LZIC: variants seen among roughly 807,000 people sequenced by gnomAD.
LZIC encodes the protein protein LZIC.
In LZIC, 28 loss-of-function variants were observed where a neutral mutation model predicts 25.4. The ratio of observed to expected loss-of-function variants is 1.10; its 90% CI spans 0.82 to 1.51. LZIC has a LOEUF of 1.51. Ranked by LOEUF, LZIC falls within the 40% of genes most tolerant of loss-of-function variation. The pLI, the probability that LZIC is intolerant of heterozygous loss-of-function variation, is 0.00. For missense variants in LZIC, 170 were observed against 211.1 expected (o/e 0.81, Z 1.21); for synonymous variants, 65 against 70.7 (o/e 0.92, Z 0.40).
chr1:9,922,596 C>T (rs1378438372), downstream of LZIC, among the ~76,000 whole-genome samples: 5 of 152,250 alleles, frequency 3.3e-5, no homozygotes, highest in Admixed American at 3.3e-4. Context: ...CAGTGCTCAG[C>T]ATGGGAGCAT....
chr1:9,940,496 T>C (rs1640665410), intron 2 of LZIC, among the ~76,000 whole-genome samples: 1 of 152,010 alleles, frequency 6.6e-6, no homozygotes, highest in Non-Finnish European at 1.5e-5. Flanking sequence ...TGTATATTTT[T>C]TTTAGTAGAG....
intron 3 of LZIC, 134 bp from the exon 4 acceptor site, chr1:9,935,761 T>C (rs1377950971): frequency 2.6e-6 from 2 of 769,466 alleles, no homozygotes; most frequent in East Asian, 5.6e-5. Context: ...CACATAGTAG[T>C]AGTGAGGGCA....
At chr1:9,923,864 C>T (rs1375430099), downstream of LZIC, among the ~76,000 whole-genome samples, 3 of 151,246 alleles carry the variant, frequency 2.0e-5, no homozygotes, top group Admixed American at 1.3e-4. Context: ...GCGATTCTCC[C>T]GCCTCAGCCT....
Position 9,931,924 on chromosome 1 carries a change from G to A in LZIC, c.481C>T (p.Leu161Phe). 7 of 1,613,870 alleles carry A rather than the reference G, an allele frequency of 4.3e-6. No individual in the cohort carries two copies. The highest frequency in any genetic ancestry group is 5.9e-6 in the Non-Finnish European group (7 of 1,179,876). Residue 161 changes from leucine to phenylalanine, a missense_variant, in exon 7 of 8, where the codon CTC (leucine) becomes TTC (phenylalanine). Physicochemically the swap from Leu to Phe is conservative, Grantham distance 22 (BLOSUM62 0). Transcript: ENST00000377223. The stretch of plus-strand genomic sequence containing the variant: ...GTAGAGACTTTCTCAAACTGGCTGA[G>A]TATAGCACCTGCATTTGCTGACAAG... ...AFLSANAGAI[L>F]SQFEKVSTDL...
rs187222294 is a variant in LZIC, at chr1:9,929,403, T to C, written c.*996A>G. On this transcript the variant is annotated 3_prime_UTR_variant, in exon 8 of 8. Coordinates refer to ENST00000377223, the MANE Select transcript of LZIC (RefSeq NM_032368.5). ...GCTAATATACACGCATAGGGACACA[T>C]CTGCATATTTGAGCATACAGAGACA... The C allele has an allele frequency of 5.1e-6, 5 of 985,236 alleles. No homozygotes were observed. Among genetic ancestry groups the C allele is most frequent in the Non-Finnish European group, 6.0e-6 (5 of 829,878 alleles). The allele number at this position is 985,236 out of a possible 1,614,324, so 61.0% of individuals were successfully genotyped here. A position where few individuals can be genotyped will look rare whatever the true frequency, so the allele number is the denominator to read the frequency against.
chr1:9,934,608 C>G (rs1346896943), intron 5 of LZIC, among the ~76,000 whole-genome samples, 154 bp downstream of exon 5: 1 of 152,138 alleles, frequency 6.6e-6, no homozygotes, highest in Non-Finnish European at 1.5e-5. Flanking sequence ...CATTCATTAT[C>G]AACTATAATT....
rs970058532 is a variant in LZIC, at chr1:9,930,182, C to G, written c.*217G>C. On this transcript the variant is annotated 3_prime_UTR_variant, in exon 8 of 8. Transcript: ENST00000377223. ...AACAGAGTCCAGTGAGTCCCTCTGT[C>G]GCAACAAGTTCAGGATCACTCAAGC... 7.5e-7 allele frequency: 1 copy of G among 1,336,632 alleles called. No individual in the cohort carries two copies. The highest frequency in any genetic ancestry group is 1.5e-5 in the African/African-American group (1 of 68,566). The allele number at this position is 1,336,632 out of a possible 1,614,324, so 82.8% of individuals were successfully genotyped here. A position where few individuals can be genotyped will look rare whatever the true frequency, so the allele number is the denominator to read the frequency against.
intron 5 of LZIC, among the ~76,000 whole-genome samples, chr1:9,933,254 CAAAAAAAAAAAAA>C (rs60791463): frequency 2.3e-5 from 1 of 43,374 alleles, no homozygotes; most frequent in Non-Finnish European, 4.0e-5. Flanking sequence ...GACTCCACCA[CAAAAAAAAAAAAA>C]AAAAAAAAAA....
intron 2 of LZIC, among the ~76,000 whole-genome samples, chr1:9,940,604 C>G (rs993592405): frequency 2.6e-5 from 4 of 152,178 alleles, no homozygotes; most frequent in Non-Finnish European, 5.9e-5. Flanking sequence ...AGGCGTGAGC[C>G]ACCGCACACA....
In LZIC at chr1:9,932,876, C is replaced by T; in HGVS notation, c.359G>A (p.Gly120Glu). ...LAEMDRDLMV[G>E]KLERDLYTQQ... Reference sequence around the variant, plus strand: ...AGTGTACAGGTCTCTTTCCAGCTTTCCTACCATCAGATCTCTATCCATCTA... The same window carrying T: ...AGTGTACAGGTCTCTTTCCAGCTTTTCTACCATCAGATCTCTATCCATCTA... Residue 120 changes from glycine to glutamate, a missense_variant, in exon 6 of 8, where the codon GGA becomes GAA. Coordinates refer to ENST00000377223, the MANE Select transcript of LZIC (RefSeq NM_032368.5). 1 of 1,611,684 alleles carries T rather than the reference C, an allele frequency of 6.2e-7. No homozygotes were observed. The highest frequency in any genetic ancestry group is 8.5e-7 in the Non-Finnish European group (1 of 1,178,046).
chr1:9,939,058 A>G (rs1640576830), intron 2 of LZIC, among the ~76,000 whole-genome samples: 1 of 152,048 alleles, frequency 6.6e-6, no homozygotes. Context: ...CTAGTCATTG[A>G]TAATTTTCTG....
rs1307158557 is a variant in LZIC at position 9,927,506 on chromosome 1, T to C, written c.*2893A>G. On this transcript the variant is annotated 3_prime_UTR_variant, in exon 8 of 8. Transcript: ENST00000377223. ...TTTTAGAGACAGGGTTTCACCATGT[T>C]GGCCAGGCTGGTCTCAAATCCTGAG... 2.0e-5 allele frequency among the ~76,000 whole-genome samples: 3 copies of C among 151,536 alleles called. No individual in the cohort carries two copies. The highest frequency in any genetic ancestry group is 7.3e-5 in the African/African-American group (3 of 41,194).
downstream of LZIC, among the ~76,000 whole-genome samples, chr1:9,923,829 T>C (rs1237245878): frequency 6.6e-6 from 1 of 152,074 alleles, no homozygotes; most frequent in Non-Finnish European, 1.5e-5. Flanking sequence ...CTTGGCTCAC[T>C]GCGACCTCTG....
intron 5 of LZIC, among the ~76,000 whole-genome samples, chr1:9,933,890 T>G (rs1188941878): frequency 1.3e-5 from 2 of 148,728 alleles, no homozygotes; most frequent in Non-Finnish European, 3.0e-5. Context: ...GGTGACAAAG[T>G]AAGACCCTGC....
intron 7 of LZIC, among the ~76,000 whole-genome samples, chr1:9,930,658 G>A (rs763851109): frequency 3.2e-4 from 49 of 152,026 alleles, no homozygotes; most frequent in Non-Finnish European, 2.8e-4. Context: ...TACAAAGGGG[G>A]ACTTATTAGT....
chr1:9,924,542 G>A (rs1639934567), downstream of LZIC, among the ~76,000 whole-genome samples: 1 of 152,038 alleles, frequency 6.6e-6, no homozygotes, highest in Non-Finnish European at 1.5e-5. Flanking sequence ...TTTTACTAGA[G>A]ATGGGGTTTC....
At position 9,930,032 on chromosome 1, in the gene LZIC, A is replaced by C. The variant is rs1223521169; in HGVS notation, c.*367T>G. The C allele has an allele frequency of 9.9e-7, 1 of 1,013,876 alleles. No homozygotes were observed. Among genetic ancestry groups the C allele is most frequent in the Non-Finnish European group, 1.2e-6 (1 of 846,522 alleles). The allele number at this position is 1,013,876 out of a possible 1,614,324, so 62.8% of individuals were successfully genotyped here. A position where few individuals can be genotyped will look rare whatever the true frequency, so the allele number is the denominator to read the frequency against. Reference sequence around the variant, plus strand: ...ACTGTTCACTCCAATGAGTGGGGATAAGTTGTAAGCAGAAAAATATCATTA... The same window carrying C: ...ACTGTTCACTCCAATGAGTGGGGATCAGTTGTAAGCAGAAAAATATCATTA... On this transcript the variant is annotated 3_prime_UTR_variant, in exon 8 of 8. Coordinates refer to ENST00000377223, the MANE Select transcript of LZIC (RefSeq NM_032368.5).
intron 3 of LZIC, 121 bp from the exon 4 acceptor site, chr1:9,935,748 G>T: frequency 1.1e-6 from 1 of 903,176 alleles, no homozygotes; most frequent in Non-Finnish European, 1.7e-6. Flanking sequence ...TGGTGAATGT[G>T]TTCACATAGT....
In LZIC at chr1:9,935,581, G is replaced by C. The variant is rs772109130; in HGVS notation, c.148C>G (p.Leu50Val). Residue 50 changes from leucine (L) to valine (V), a missense_variant, in exon 4 of 8, where the codon CTG becomes GTG. Physicochemically the swap from Leu to Val is conservative, Grantham distance 32. Transcript: ENST00000377223. ...DEYEETKKET[L>V]EQLSEFNDSL... The stretch of plus-strand genomic sequence containing the variant: ...TCATTAAATTCACTTAGTTGCTCCA[G>C]AGTTTCCTTTTTGGTTTCTTCATAT... 5.6e-6 allele frequency: 9 copies of C among 1,611,474 alleles called. No individual in the cohort carries two copies. The East Asian group carries it at 1.8e-4, about 32-fold the overall frequency.
Sources: allele counts gnomAD v4.1 joint callset (sites outside exome capture counted in the v4.1 genomes callset), GRCh38; gene constraint gnomAD v4.1.1; transcripts MANE v1.5; gene names NCBI Gene and HGNC (gene_info 2026-07-23, HGNC 2026-07-21).